BBS9: variants seen among roughly 807,000 people sequenced by gnomAD.
BBS9 encodes protein PTHB1.
A neutral mutation model predicts 117.7 loss-of-function variants in BBS9; 89 were observed. The observed-to-expected ratio is 0.76, with a 90% CI of 0.64 to 0.90. The LOEUF (loss-of-function observed/expected upper bound fraction) is 0.90. Ranked by LOEUF, BBS9 falls within the 40% of genes least tolerant of loss-of-function variation. The pLI, the probability that BBS9 is intolerant of heterozygous loss-of-function variation, is 0.00. For missense variants in BBS9, 982 were observed against 1,042.2 expected, an observed-to-expected ratio of 0.94 and a Z score of 0.80; for synonymous variants, 379 against 370.9, an observed-to-expected ratio of 1.02 and a Z score of -0.25.
intron 21 of BBS9, among the ~76,000 whole-genome samples, chr7:33,550,686 GTT>G (rs1257729933): frequency 6.6e-6 from 1 of 152,026 alleles, no homozygotes; most frequent in Non-Finnish European, 1.5e-5. Context: ...ATTTTAGTGT[GTT>G]TATTCCAATA....
intron 19 of BBS9, among the ~76,000 whole-genome samples, chr7:33,481,194 G>C (rs945446214): frequency 6.6e-6 from 1 of 152,098 alleles, no homozygotes; most frequent in Non-Finnish European, 1.5e-5. Context: ...TTGGCAGAAG[G>C]AAAAATACAA....
In BBS9 at chr7:33,146,289, A is replaced by T. The variant is rs768869485; in HGVS notation, c.37A>T (p.Ile13Phe). The T allele has an allele frequency of 1.9e-6, 3 of 1,613,986 alleles. No individual in the cohort carries two copies. The highest frequency in any genetic ancestry group is 1.7e-6 in the Non-Finnish European group (2 of 1,179,970). ...LFKARDWWST[I>F]LGDKEEFDQG... ...TAAAGCCCGTGATTGGTGGTCTACT[A>T]TTCTGGGAGATAAAGAAGAATTTGA... is the stretch of plus-strand genomic sequence containing the variant. Residue 13 changes from isoleucine (I) to phenylalanine (F), a missense_variant, in exon 2 of 23, where the codon ATT becomes TTT. Transcript: ENST00000242067.
At chr7:33,451,377 T>G (rs1837843650) in intron 19 of BBS9, among the ~76,000 whole-genome samples, 1 of 152,204 alleles carries the variant, frequency 6.6e-6, no homozygotes, top group Admixed American at 6.5e-5. Flanking sequence ...TTTAATATAG[T>G]GTTAAATACA....
intron 16 of BBS9, among the ~76,000 whole-genome samples, chr7:33,359,162 A>G (rs951623634): frequency 4.6e-5 from 7 of 151,960 alleles, no homozygotes; most frequent in African/African-American, 1.7e-4. Flanking sequence ...TACCTTTTGT[A>G]ACATCTTGTA....
At chr7:33,630,137 A>G (rs1865817356) in intron 21 of BBS9, among the ~76,000 whole-genome samples, 1 of 152,216 alleles carries the variant, frequency 6.6e-6, no homozygotes, top group Non-Finnish European at 1.5e-5. Flanking sequence ...AATTACGTCT[A>G]AAAATCCCTT....
At chr7:33,332,461 G>A (rs1287781307) in intron 9 of BBS9, among the ~76,000 whole-genome samples, 1 of 152,090 alleles carries the variant, frequency 6.6e-6, no homozygotes, top group Non-Finnish European at 1.5e-5. Context: ...GGTGGATCAC[G>A]AGGTCAGGAG....
intron 5 of BBS9, among the ~76,000 whole-genome samples, chr7:33,240,934 G>A (rs1045607770): frequency 1.3e-5 from 2 of 152,086 alleles, no homozygotes; most frequent in Non-Finnish European, 2.9e-5. Flanking sequence ...ATCGAGGTCT[G>A]TGGCTTCTTT....
intron 4 of BBS9, chr7:33,157,608 A>G (rs1794282765): frequency 6.6e-6 from 1 of 152,142 alleles, no homozygotes; most frequent in Non-Finnish European, 1.5e-5. Context: ...ACTTTTACCT[A>G]GCTTTTACTG....
chr7:33,555,886 A>C (rs909682526), intron 21 of BBS9, among the ~76,000 whole-genome samples: 7 of 152,208 alleles, frequency 4.6e-5, no homozygotes, highest in African/African-American at 1.7e-4. Context: ...GCTGTTTCAT[A>C]TGCTTCAACT....
intron 4 of BBS9, among the ~76,000 whole-genome samples, chr7:33,170,432 A>C (rs1325689564): frequency 8.7e-4 from 129 of 147,728 alleles, no homozygotes; most frequent in African/African-American, 3.1e-3. Context: ...TCAATAAATT[A>C]GGTATTGATG....
At chr7:33,416,205 C>T (rs1196071206) in intron 19 of BBS9, among the ~76,000 whole-genome samples, 1 of 151,722 alleles carries the variant, frequency 6.6e-6, no homozygotes, top group Non-Finnish European at 1.5e-5. Context: ...AAAAATTTCT[C>T]TTGAAAAATC....
intron 21 of BBS9, among the ~76,000 whole-genome samples, chr7:33,535,182 T>A (rs1851186795): frequency 6.6e-6 from 1 of 152,214 alleles, no homozygotes; most frequent in Admixed American, 6.5e-5. Flanking sequence ...TTTTTATCCA[T>A]TACTACTTAT....
chr7:33,180,437 T>C (rs907508484), intron 5 of BBS9, among the ~76,000 whole-genome samples: 3 of 150,658 alleles, frequency 2.0e-5, no homozygotes, highest in African/African-American at 7.3e-5. Flanking sequence ...CTCGGCTCAC[T>C]GCAACCTCCG....
rs184121643 is a variant in BBS9, at chr7:33,288,117, G to A, written c.1016+14161G>A. On this transcript the variant is annotated intron_variant, in intron 9 of 22. Transcript: ENST00000242067. The stretch of plus-strand genomic sequence containing the variant: ...TAACTCAAGCTAAGGACCCACATGC[G>A]CACTAGGAGGATGGGGTGGAGCTAC... 6.7e-3 allele frequency among the ~76,000 whole-genome samples: 1,018 copies of A among 152,266 alleles called. 5 individuals carry two copies. The highest frequency in any genetic ancestry group is 0.011 in the Non-Finnish European group (780 of 68,026).
chr7:33,500,421 T>C (rs1197020642), intron 19 of BBS9, among the ~76,000 whole-genome samples: 1 of 152,214 alleles, frequency 6.6e-6, no homozygotes, highest in East Asian at 1.9e-4. Flanking sequence ...AGGATTAGAA[T>C]CCTAGCCCTT....
chr7:33,187,212 C>A (rs1783272211), intron 5 of BBS9, among the ~76,000 whole-genome samples: 1 of 152,178 alleles, frequency 6.6e-6, no homozygotes, highest in African/African-American at 2.4e-5. Flanking sequence ...GTTTTAAGGT[C>A]AACAGCTGCA....
chr7:33,247,836 C>T (rs962568703), intron 5 of BBS9, among the ~76,000 whole-genome samples: 10 of 152,190 alleles, frequency 6.6e-5, no homozygotes, highest in Admixed American at 2.6e-4. Flanking sequence ...TTTGTGGATG[C>T]AAGCAATAAT....
At chr7:33,155,585 G>T in intron 3 of BBS9, 53 bp from the exon 4 acceptor site, 1 of 1,228,684 alleles carries the variant, frequency 8.1e-7, no homozygotes, top group South Asian at 1.2e-5. Context: ...CAACTTTTTG[G>T]TTACGTCTAA....
chr7:33,550,414 A>T (rs1234930241), intron 21 of BBS9, among the ~76,000 whole-genome samples: 1 of 152,174 alleles, frequency 6.6e-6, no homozygotes, highest in East Asian at 1.9e-4. Flanking sequence ...TTTTATTTAA[A>T]TTTTTCAAAT....
Sources: allele counts gnomAD v4.1 joint callset (sites outside exome capture counted in the v4.1 genomes callset), GRCh38; gene constraint gnomAD v4.1.1; transcripts MANE v1.5; gene names NCBI Gene and HGNC (gene_info 2026-07-23, HGNC 2026-07-21).